Variants in LUC7L2 observed in about 807,000 individuals in gnomAD.
LUC7L2 encodes the protein putative RNA-binding protein Luc7-like 2.
In LUC7L2, 25 loss-of-function variants were observed where a neutral mutation model predicts 52.8. That is an observed-to-expected ratio of 0.47 (90% CI 0.34 to 0.66). The LOEUF (loss-of-function observed/expected upper bound fraction) is 0.66, where lower values mean the gene tolerates loss of function less well. Ranked by LOEUF, LUC7L2 falls within the 30% of genes least tolerant of loss-of-function variation. The probability of loss-of-function intolerance (pLI) is 0.01; values close to 1 mark genes in which losing one functional copy is unlikely to be tolerated. For missense variants in LUC7L2, 328 were observed against 497.8 expected, an observed-to-expected ratio of 0.66 and a Z score of 3.25; for synonymous variants, 144 against 160.9, an observed-to-expected ratio of 0.89 and a Z score of 0.80.
intron 7 of LUC7L2, 124 bp from the exon 8 acceptor site, chr7:139,412,427 A>G (rs993083568): frequency 1.7e-6 from 2 of 1,185,074 alleles, no homozygotes; most frequent in Non-Finnish European, 1.1e-6. Context: ...TTGTGTGCGT[A>G]GGTACACGCC....
chr7:139,418,188 A>G (rs533578210), intron 9 of LUC7L2, among the ~76,000 whole-genome samples: 115 of 151,160 alleles, frequency 7.6e-4, no homozygotes, highest in Non-Finnish European at 1.2e-3. Context: ...TGCACTATAG[A>G]TATGTATTGT....
At chr7:139,408,183 A>T (rs962401804) in intron 6 of LUC7L2, among the ~76,000 whole-genome samples, 1 of 152,222 alleles carries the variant, frequency 6.6e-6, no homozygotes, top group Non-Finnish European at 1.5e-5. Flanking sequence ...CCATATTCTC[A>T]GGTAACAGTG....
intron 9 of LUC7L2, among the ~76,000 whole-genome samples, chr7:139,420,591 G>GTAGTT (rs141779697): frequency 0.016 from 2,461 of 152,274 alleles, 25 homozygotes; most frequent in South Asian, 0.051. Context: ...AAGATTATTG[G>GTAGTT]TAGTTTGAGT....
chr7:139,417,421 G>GTCGCC, intron 8 of LUC7L2, 117 bp from the exon 9 acceptor site: 5 of 1,276,828 alleles, frequency 3.9e-6, no homozygotes, highest in Non-Finnish European at 3.2e-6. Flanking sequence ...TAGCTGACTT[G>GTCGCC]GAATATAATT....
At chr7:139,362,565 A>G (rs186719056) in intron 1 of LUC7L2, among the ~76,000 whole-genome samples, 1 of 151,576 alleles carries the variant, frequency 6.6e-6, no homozygotes, top group African/African-American at 2.4e-5. Context: ...ATGGGTATCC[A>G]GGAGGTGGGA....
intron 1 of LUC7L2, among the ~76,000 whole-genome samples, chr7:139,365,728 C>A (rs566744536): frequency 3.5e-4 from 53 of 152,300 alleles, no homozygotes; most frequent in African/African-American, 1.3e-3. Flanking sequence ...TTCTTAAAGC[C>A]TACTGCTGTT....
intron 8 of LUC7L2, among the ~76,000 whole-genome samples, chr7:139,413,307 G>A (rs987233889): frequency 2.6e-5 from 4 of 151,936 alleles, no homozygotes; most frequent in East Asian, 1.9e-4. Context: ...CATTCCAGTC[G>A]TTGAGCTTTC....
intron 1 of LUC7L2, among the ~76,000 whole-genome samples, chr7:139,341,896 A>G (rs905460122): frequency 6.6e-6 from 1 of 152,226 alleles, no homozygotes; most frequent in African/African-American, 2.4e-5. Flanking sequence ...TACTGTTGCT[A>G]GACTTAAAGC....
intron 1 of LUC7L2, 142 bp downstream of exon 1, chr7:139,360,464 C>T (rs1239428239): frequency 7.0e-6 from 5 of 711,004 alleles, no homozygotes; most frequent in Non-Finnish European, 1.1e-5. Flanking sequence ...GTCCCCCGTC[C>T]CATCCAATCA....
chr7:139,404,448 G>A (rs1410119489), intron 4 of LUC7L2, among the ~76,000 whole-genome samples: 1 of 152,212 alleles, frequency 6.6e-6, no homozygotes, highest in Non-Finnish European at 1.5e-5. Flanking sequence ...GGCAGAGGTT[G>A]TAGTGAACTG....
intron 6 of LUC7L2, among the ~76,000 whole-genome samples, chr7:139,408,247 A>C (rs1014214796): frequency 2.6e-5 from 4 of 152,192 alleles, no homozygotes; most frequent in Non-Finnish European, 5.9e-5. Flanking sequence ...TTTTTTAAAA[A>C]TTTCGAAAAG....
At chr7:139,366,312 G>A (rs1377812956) in intron 1 of LUC7L2, among the ~76,000 whole-genome samples, 1 of 152,148 alleles carries the variant, frequency 6.6e-6, no homozygotes, top group African/African-American at 2.4e-5. Context: ...CCTGAATATG[G>A]TAAATGGTTT....
intron 1 of LUC7L2, among the ~76,000 whole-genome samples, chr7:139,362,443 G>A (rs898230961): frequency 5.9e-5 from 9 of 151,912 alleles, no homozygotes; most frequent in African/African-American, 2.2e-4. Context: ...ACATGGAAAC[G>A]TCCCCTGAAT....
At chr7:139,397,423 T>C in intron 2 of LUC7L2, among the ~76,000 whole-genome samples, 1 of 152,212 alleles carries the variant, frequency 6.6e-6, no homozygotes, top group Admixed American at 6.5e-5. Context: ...TCCCCTCAAA[T>C]AGAATGTAAG....
chr7:139,367,413 T>C (rs1369657720), intron 1 of LUC7L2, among the ~76,000 whole-genome samples: 1 of 152,218 alleles, frequency 6.6e-6, no homozygotes, highest in East Asian at 1.9e-4. Flanking sequence ...AAATGGTGTA[T>C]TATGTAACTA....
At chr7:139,368,066 T>TA (rs1800255729) in intron 1 of LUC7L2, among the ~76,000 whole-genome samples, 1 of 152,246 alleles carries the variant, frequency 6.6e-6, no homozygotes, top group Non-Finnish European at 1.5e-5. Context: ...AACTTCCTGT[T>TA]ACAATTTAAT....
rs71169090 is a variant in LUC7L2 at position 139,399,449 on chromosome 7, A to ATTTTTTTTTTTTT, written c.255+778_255+790dup. On this transcript the variant is annotated intron_variant, in intron 3 of 9. Coordinates refer to ENST00000354926, the MANE Select transcript of LUC7L2 (RefSeq NM_016019.5). ...GGACATGCATATGGGTGTTTGGGGG[A>ATTTTTTTTTTTTT]TTTTTTTTTTTTTTTTTTTTTTTTT... 3.4e-4 allele frequency among the ~76,000 whole-genome samples: 17 copies of ATTTTTTTTTTTTT among 50,458 alleles called. 3 individuals are homozygous for ATTTTTTTTTTTTT. The highest frequency in any genetic ancestry group is 5.0e-4 in the Non-Finnish European group (13 of 26,116). The allele number at this position is 50,458 out of a possible 152,430, so 33.1% of individuals were successfully genotyped here. A position where few individuals can be genotyped will look rare whatever the true frequency, so the allele number is the denominator to read the frequency against.
At chr7:139,340,543 G>T in intron 1 of LUC7L2, 1 of 398,408 alleles carries the variant, frequency 2.5e-6, no homozygotes, top group South Asian at 1.3e-4. Context: ...CGGTGATGTG[G>T]ACTTTTGTTC....
At chr7:139,382,555 G>GT (rs576056485) in intron 2 of LUC7L2, among the ~76,000 whole-genome samples, 26 of 151,784 alleles carry the variant, frequency 1.7e-4, no homozygotes, top group South Asian at 1.5e-3. Context: ...TTATTTTTGT[G>GT]TTTTTTTTGT....
Sources: gnomAD v4.1 joint callset for allele counts (sites outside exome capture counted in the v4.1 genomes callset) on GRCh38, gnomAD v4.1.1 for gene constraint, MANE v1.5 for transcripts, NCBI Gene and HGNC (gene_info 2026-07-23, HGNC 2026-07-21) for gene names.